Variants in SLIT3 observed in about 807,000 individuals in gnomAD.
SLIT3 encodes slit homolog 3 protein.
A neutral mutation model predicts 184.0 loss-of-function variants in SLIT3; 68 were observed. That is an observed-to-expected ratio of 0.37 (90% CI 0.30 to 0.45). SLIT3 has a LOEUF of 0.45. Ranked by LOEUF, SLIT3 falls within the 20% of genes least tolerant of loss-of-function variation. The probability of loss-of-function intolerance (pLI) is 1.00; values close to 1 mark genes in which losing one functional copy is unlikely to be tolerated. For missense variants in SLIT3, 1,707 were observed against 2,026.0 expected (o/e 0.84, Z 3.02); for synonymous variants, 831 against 828.6 (o/e 1.00, Z -0.05).
At chr5:169,236,940 T>C (rs62376918) in intron 3 of SLIT3, among the ~76,000 whole-genome samples, 20,706 of 152,210 alleles carry the variant, frequency 0.14, 1,816 homozygotes, top group East Asian at 0.44. Flanking sequence ...CTTTCTCCAC[T>C]GTTTGTTTCT....
chr5:169,298,258 C>T (rs1767574066), intron 1 of SLIT3, among the ~76,000 whole-genome samples: 1 of 152,164 alleles, frequency 6.6e-6, no homozygotes, highest in South Asian at 2.1e-4. Context: ...AAAGAAGCTC[C>T]TGCTCTGCCA....
At chr5:168,847,926 C>A (rs753810109) in intron 5 of SLIT3, among the ~76,000 whole-genome samples, 26 of 152,136 alleles carry the variant, frequency 1.7e-4, no homozygotes, top group Non-Finnish European at 2.5e-4. Context: ...CAACAAAGCC[C>A]ATTGCCTACC....
chr5:169,045,675 C>T (rs1205797693), intron 4 of SLIT3, among the ~76,000 whole-genome samples: 2 of 152,202 alleles, frequency 1.3e-5, no homozygotes, highest in Non-Finnish European at 2.9e-5. Context: ...TGTACAGTGA[C>T]TTGCCCAAAG....
At chr5:169,015,940 A>ACACC (rs1314931018) in intron 4 of SLIT3, among the ~76,000 whole-genome samples, 1 of 96,784 alleles carries the variant, frequency 1.0e-5, no homozygotes, top group Non-Finnish European at 1.9e-5. Flanking sequence ...AAACACACAC[A>ACACC]CACACACACA....
At chr5:169,114,833 A>G (rs1255015128) in intron 4 of SLIT3, among the ~76,000 whole-genome samples, 2 of 152,222 alleles carry the variant, frequency 1.3e-5, no homozygotes, top group Non-Finnish European at 2.9e-5. Flanking sequence ...ACCCACTGAC[A>G]TTATAGCTGG....
intron 5 of SLIT3, among the ~76,000 whole-genome samples, chr5:168,866,240 G>T (rs1759296356): frequency 2.0e-5 from 3 of 152,208 alleles, no homozygotes; most frequent in Non-Finnish European, 4.4e-5. Context: ...CTCACAGGGA[G>T]AAACTCAAAA....
At chr5:169,172,582 T>C (rs1762849927) in intron 4 of SLIT3, among the ~76,000 whole-genome samples, 1 of 152,242 alleles carries the variant, frequency 6.6e-6, no homozygotes, top group South Asian at 2.1e-4. Context: ...CTTTTGTTGC[T>C]GAACACCCAT....
chr5:168,843,350 T>C (rs1444192023), intron 6 of SLIT3, among the ~76,000 whole-genome samples: 3 of 152,170 alleles, frequency 2.0e-5, no homozygotes, highest in African/African-American at 4.8e-5. Flanking sequence ...TGCTTCAAAA[T>C]ATTCATTCAC....
intron 13 of SLIT3, 42 bp from the exon 14 acceptor site, chr5:168,772,986 C>T (rs1223521433): frequency 8.4e-6 from 13 of 1,541,720 alleles, no homozygotes; most frequent in African/African-American, 2.7e-5. Context: ...TGACCCACGG[C>T]GTCTTGCTCC....
rs76146494 is a variant in SLIT3, at chr5:168,875,235, G to C, written c.485+8030C>G. The stretch of plus-strand genomic sequence containing the variant: ...AAGAGGGAAGAGAGAAGAAGGAAGG[G>C]AGGGAGGAAGAGAGAGGGAAGAAGA... On this transcript the variant is annotated intron_variant, in intron 5 of 35. Coordinates refer to ENST00000519560, the MANE Select transcript of SLIT3 (RefSeq NM_003062.4). Among the ~76,000 whole-genome samples the C allele has an allele frequency of 8.2e-3, 1,217 of 149,190 alleles. 13 individuals carry two copies. Among genetic ancestry groups the C allele is most frequent in the African/African-American group, 0.029 (1,167 of 40,406 alleles).
chr5:168,737,008 C>T (rs977539201), intron 20 of SLIT3, among the ~76,000 whole-genome samples: 24 of 152,306 alleles, frequency 1.6e-4, no homozygotes, highest in African/African-American at 5.3e-4. Flanking sequence ...TAAGAAAACC[C>T]AGCACAGCAC....
chr5:168,888,658 TA>T (rs1464656230), intron 4 of SLIT3, among the ~76,000 whole-genome samples: 7 of 152,242 alleles, frequency 4.6e-5, no homozygotes, highest in African/African-American at 1.7e-4. Flanking sequence ...CTTCTTTGAC[TA>T]CCTCTTCAAT....
At chr5:168,685,666 G>A in intron 31 of SLIT3, 21 bp downstream of exon 31, 2 of 1,517,866 alleles carry the variant, frequency 1.3e-6, no homozygotes, top group Non-Finnish European at 1.8e-6. Context: ...CCTTCCAAGG[G>A]CAGGGCAGGG....
chr5:168,773,666 T>C (rs1342555021), intron 13 of SLIT3, among the ~76,000 whole-genome samples: 1 of 152,164 alleles, frequency 6.6e-6, no homozygotes, highest in Non-Finnish European at 1.5e-5. Flanking sequence ...CTGAAATCTG[T>C]ACTTGGAGGT....
chr5:169,080,223 G>C (rs1387737984), intron 4 of SLIT3, among the ~76,000 whole-genome samples: 1 of 152,066 alleles, frequency 6.6e-6, no homozygotes, highest in East Asian at 1.9e-4. Flanking sequence ...CCAAAGTCAG[G>C]GCCCAAAGTC....
At chr5:168,834,028 G>A (rs1757963193) in intron 6 of SLIT3, among the ~76,000 whole-genome samples, 1 of 152,214 alleles carries the variant, frequency 6.6e-6, no homozygotes, top group Admixed American at 6.5e-5. Context: ...GCCAAAGTCT[G>A]GAAGTCACAA....
Position 168,713,658 on chromosome 5 carries a change from CTCT to C in SLIT3, c.2484-1307_2484-1305del, listed in dbSNP as rs140498407. Among the ~76,000 whole-genome samples, 797 of 152,304 alleles carry C rather than the reference CTCT, an allele frequency of 5.2e-3. 12 individuals are homozygous for C. The highest frequency in any genetic ancestry group is 0.018 in the African/African-American group (750 of 41,558). The stretch of plus-strand genomic sequence containing the variant: ...GATGGAATAATAACGAATGAATTTG[CTCT>C]TCTTCTCCCTTCAACTGAAGTTAGC... On this transcript the variant is annotated intron_variant, in intron 23 of 35. Transcript: ENST00000519560.
At chr5:169,016,258 C>T (rs1216053470) in intron 4 of SLIT3, among the ~76,000 whole-genome samples, 11 of 152,078 alleles carry the variant, frequency 7.2e-5, no homozygotes, top group South Asian at 6.2e-4. Flanking sequence ...GGTTAAGTCC[C>T]GGGGCTACAG....
chr5:168,879,250 G>A (rs1428834875), intron 5 of SLIT3, among the ~76,000 whole-genome samples: 5 of 152,126 alleles, frequency 3.3e-5, no homozygotes, highest in African/African-American at 9.7e-5. Context: ...TGAATTCCCT[G>A]AGCTCACACA....
Sources: gnomAD v4.1 joint callset for allele counts (sites outside exome capture counted in the v4.1 genomes callset) on GRCh38, gnomAD v4.1.1 for gene constraint, MANE v1.5 for transcripts, NCBI Gene and HGNC (gene_info 2026-07-23, HGNC 2026-07-21) for gene names.